Variants in AQP9 observed in about 807,000 individuals in gnomAD.
AQP9 encodes aquaporin 9, also known as aquaporin-9.
In AQP9, 19 loss-of-function variants were observed where a neutral mutation model predicts 23.8. The observed-to-expected ratio is 0.80, with a 90% CI of 0.56 to 1.17. The LOEUF (loss-of-function observed/expected upper bound fraction) is 1.17, where lower values mean the gene tolerates loss of function less well. AQP9 is among the 50% of genes most tolerant of loss of function. AQP9 has a pLI of 0.00. For synonymous variants in AQP9, 153 were observed against 131.5 expected (o/e 1.16, Z -1.12); for missense variants, 413 against 362.0 (o/e 1.14, Z -1.14).
At position 58,184,159 on chromosome 15, in the gene AQP9, C is replaced by T. The variant is rs1268981874; in HGVS notation, c.*24C>T. 6.2e-7 allele frequency: 1 copy of T among 1,607,108 alleles called. No homozygotes were observed. Among genetic ancestry groups the T allele is most frequent in the Non-Finnish European group, 8.5e-7 (1 of 1,175,468 alleles). On this transcript the variant is annotated 3_prime_UTR_variant, in exon 6 of 6. Transcript: ENST00000219919. ...AGTGGCATGCTCAGCTCTGGATTTGCAGTCAGTTTGGGATTCTCTTCAGAA... is the reference window on the plus strand; with the variant it reads ...AGTGGCATGCTCAGCTCTGGATTTGTAGTCAGTTTGGGATTCTCTTCAGAA...
In AQP9 at chr15:58,184,033, T is replaced by C. The variant is rs758224719; in HGVS notation, c.786T>C (p.Tyr262=). ...LVGAVIGGLI[Y]VLVIEIHHPE... ...GTGCTGTCATTGGAGGCCTCATCTATGTTCTTGTCATTGAAATCCACCATC... is the reference window on the plus strand; with the variant it reads ...GTGCTGTCATTGGAGGCCTCATCTACGTTCTTGTCATTGAAATCCACCATC... Residue 262 remains tyrosine, a synonymous_variant, in exon 6 of 6, where the codon TAT becomes TAC. Transcript: ENST00000219919. 4 of 1,614,068 alleles carry C rather than the reference T, an allele frequency of 2.5e-6. No homozygotes were observed. The highest frequency in any genetic ancestry group is 3.4e-6 in the Non-Finnish European group (4 of 1,180,018).
intron 4 of AQP9, among the ~76,000 whole-genome samples, chr15:58,175,642 C>T (rs1362605772): frequency 6.6e-6 from 1 of 152,150 alleles, no homozygotes; most frequent in East Asian, 1.9e-4. Context: ...TTACTGTGTC[C>T]CAAGAAGGCT....
chr15:58,179,936 A>G (rs1283703987), intron 5 of AQP9, among the ~76,000 whole-genome samples: 1 of 152,194 alleles, frequency 6.6e-6, no homozygotes, highest in Non-Finnish European at 1.5e-5. Flanking sequence ...GAAGCAGGGA[A>G]AGACATGACT....
At chr15:58,145,288 A>C (rs1898024970) in intron 1 of AQP9, among the ~76,000 whole-genome samples, 1 of 151,954 alleles carries the variant, frequency 6.6e-6, no homozygotes, top group African/African-American at 2.4e-5. Flanking sequence ...GGATCACCTA[A>C]GGTCAGGAGT....
At chr15:58,179,100 A>C in intron 4 of AQP9, 28 bp from the exon 5 acceptor site, 2 of 1,526,742 alleles carry the variant, frequency 1.3e-6, no homozygotes, top group Non-Finnish European at 1.8e-6. Flanking sequence ...TGCAGGCTAA[A>C]GCCCTGGCTC....
intron 3 of AQP9, among the ~76,000 whole-genome samples, chr15:58,173,828 G>T (rs1421996301): frequency 1.3e-5 from 2 of 152,214 alleles, no homozygotes; most frequent in South Asian, 2.1e-4. Context: ...TGAATCAGAT[G>T]ACTCTCGAGG....
chr15:58,175,020 A>T lies in AQP9; in HGVS notation c.479A>T (p.Asn160Ile). The T allele has an allele frequency of 6.2e-7, 1 of 1,613,552 alleles. No individual in the cohort carries two copies. ...TYPAPYLSLA[N>I]AFADQVVATM... ...CCAGCTCCGTATCTATCTCTGGCGA[A>T]CGCATTTGCAGATCAAGTAAGTGTA... The change falls in exon 4 of 6, where the codon AAC becomes ATC. Residue 160 changes from asparagine (N) to isoleucine (I), a missense_variant. By Grantham distance (149) the Asn-to-Ile change is moderately radical. Transcript: ENST00000219919.
intron 1 of AQP9, chr15:58,151,064 C>T (rs750570348): frequency 2.0e-5 from 3 of 152,092 alleles, no homozygotes; most frequent in Non-Finnish European, 4.4e-5. Context: ...ATTATATTAA[C>T]ATACACCATA....
At chr15:58,163,364 G>T (rs1898423486) in intron 1 of AQP9, among the ~76,000 whole-genome samples, 2 of 152,146 alleles carry the variant, frequency 1.3e-5, no homozygotes, top group Admixed American at 1.3e-4. Context: ...GTGCGTGGTG[G>T]ACTTCAGAAG....
intron 2 of AQP9, among the ~76,000 whole-genome samples, chr15:58,168,163 G>T (rs547786506): frequency 1.3e-5 from 2 of 152,046 alleles, no homozygotes; most frequent in South Asian, 2.1e-4. Flanking sequence ...CAAGTAGCTA[G>T]GACTACAGGT....
chr15:58,155,086 C>A (rs540221462), intron 1 of AQP9: 1 of 152,246 alleles, frequency 6.6e-6, no homozygotes. Flanking sequence ...CTGCTTAATT[C>A]TCCAAATCAC....
At chr15:58,143,293 T>G (rs1485723800) in intron 1 of AQP9, among the ~76,000 whole-genome samples, 1 of 152,168 alleles carries the variant, frequency 6.6e-6, no homozygotes, top group Non-Finnish European at 1.5e-5. Flanking sequence ...AAGCAAGAGT[T>G]TAAAGACTCG....
chr15:58,162,399 T>A (rs1290860621), intron 1 of AQP9, among the ~76,000 whole-genome samples: 1 of 152,172 alleles, frequency 6.6e-6, no homozygotes, highest in South Asian at 2.1e-4. Context: ...TGAACAGAAA[T>A]TACAGGAAGG....
intron 1 of AQP9, among the ~76,000 whole-genome samples, chr15:58,156,565 G>T (rs1192797615): frequency 6.6e-6 from 1 of 152,116 alleles, no homozygotes; most frequent in African/African-American, 2.4e-5. Flanking sequence ...TGTCAACATG[G>T]ACATAACCTC....
intron 2 of AQP9, among the ~76,000 whole-genome samples, chr15:58,170,287 T>C (rs539409465): frequency 2.6e-4 from 40 of 152,260 alleles, no homozygotes; most frequent in African/African-American, 9.6e-4. Flanking sequence ...TCCAGCCCTT[T>C]TCCTCATTGC....
chr15:58,151,572 AG>A (rs1283192673), intron 1 of AQP9: 1 of 151,934 alleles, frequency 6.6e-6, no homozygotes, highest in African/African-American at 2.4e-5. Context: ...CTTTCCAATG[AG>A]TCACCCCCAC....
At chr15:58,160,716 T>C (rs1253018593) in intron 1 of AQP9, among the ~76,000 whole-genome samples, 1 of 152,030 alleles carries the variant, frequency 6.6e-6, no homozygotes, top group African/African-American at 2.4e-5. Flanking sequence ...GTTGCAGGTA[T>C]ATAATAAAAT....
Position 58,184,429 on chromosome 15 carries a change from AT to A in AQP9, c.*295del. 3.4e-6 allele frequency: 1 copy of A among 292,616 alleles called. No homozygotes were observed. Among genetic ancestry groups the A allele is most frequent in the Non-Finnish European group, 6.4e-6 (1 of 156,448 alleles). The allele number at this position is 292,616 out of a possible 1,614,324, so 18.1% of individuals were successfully genotyped here. On this transcript the variant is annotated 3_prime_UTR_variant, in exon 6 of 6. Transcript: ENST00000219919. ...GGGAATTCTTGCTAGGTAAGCACTA[AT>A]AACTCGGCATCTTGACGATAGTCCC...
chr15:58,154,700 T>C (rs1286243691), intron 1 of AQP9, among the ~76,000 whole-genome samples: 2 of 152,026 alleles, frequency 1.3e-5, no homozygotes, highest in African/African-American at 4.8e-5. Flanking sequence ...AAACAACCAT[T>C]ATACCACCCA....
Sources: allele counts gnomAD v4.1 joint callset (sites outside exome capture counted in the v4.1 genomes callset), GRCh38; gene constraint gnomAD v4.1.1; transcripts MANE v1.5; gene names NCBI Gene and HGNC (gene_info 2026-07-23, HGNC 2026-07-21).